Variants in ANKH observed in about 807,000 individuals in gnomAD.
ANKH encodes ANKH inorganic pyrophosphate transport regulator.
Under a neutral mutation model 49.0 loss-of-function variants are expected in ANKH, and 15 were observed. The observed-to-expected ratio is 0.31, with a 90% confidence interval of 0.20 to 0.47. ANKH has a LOEUF of 0.47. ANKH is among the 20% of genes least tolerant of loss of function. The pLI is 1.00. For synonymous variants in ANKH, 273 were observed against 260.0 expected (o/e 1.05, Z -0.48); for missense variants, 429 against 652.0 (o/e 0.66, Z 3.72).
chr5:14,711,578 C>A (rs939916635), intron 11 of ANKH, among the ~76,000 whole-genome samples: 1 of 152,192 alleles, frequency 6.6e-6, no homozygotes, highest in South Asian at 2.1e-4. Context: ...CCAGACAACC[C>A]GCTCCCTGCT....
chr5:14,783,325 CACACACCA>C (rs998431185), intron 1 of ANKH, among the ~76,000 whole-genome samples: 4 of 137,968 alleles, frequency 2.9e-5, no homozygotes, highest in South Asian at 2.4e-4. Context: ...CACACACACA[CACACACCA>C]CACATGGAGA....
At chr5:14,771,562 C>T (rs1349449383) in intron 1 of ANKH, among the ~76,000 whole-genome samples, 3 of 152,122 alleles carry the variant, frequency 2.0e-5, no homozygotes, top group Admixed American at 2.0e-4. Context: ...ATGGTGCCAT[C>T]CCTATTGAAG....
intron 1 of ANKH, among the ~76,000 whole-genome samples, chr5:14,772,843 A>C (rs189619571): frequency 1.3e-5 from 2 of 152,316 alleles, no homozygotes; most frequent in Admixed American, 6.5e-5. Context: ...CTTGCCAGGG[A>C]GACCTACTCC....
intron 1 of ANKH, among the ~76,000 whole-genome samples, chr5:14,792,256 G>A (rs1740192699): frequency 6.6e-6 from 1 of 152,188 alleles, no homozygotes; most frequent in East Asian, 1.9e-4. Context: ...ATATGACTGT[G>A]ATAGGAAAGG....
intron 11 of ANKH, among the ~76,000 whole-genome samples, chr5:14,711,539 C>T (rs752177822): frequency 2.4e-4 from 36 of 152,192 alleles, no homozygotes; most frequent in Non-Finnish European, 1.5e-4. Context: ...GCAGGCACTT[C>T]GGAGGACACC....
rs761130315 is a variant in ANKH, at chr5:14,743,007, C to T, written c.916-1085G>A. Among the ~76,000 whole-genome samples the T allele has an allele frequency of 1.3e-4, 20 of 152,354 alleles. No individual in the cohort carries two copies. In the South Asian group the frequency reaches 2.5e-3, roughly 19 times the overall value. ...GAACACCTGGCTCCGCATCCAGCCG[C>T]GTGAAACACACACCCACAGCTACTA... is the stretch of plus-strand genomic sequence containing the variant. On this transcript the variant is annotated intron_variant, in intron 7 of 11. Transcript: ENST00000284268.
In ANKH at chr5:14,816,119, G is replaced by A. The variant is rs572426968; in HGVS notation, c.97-46928C>T. On this transcript the variant is annotated intron_variant, in intron 1 of 11. Transcript: ENST00000284268. The stretch of plus-strand genomic sequence containing the variant: ...AACATCCCAGTTGCCATTCTAATGG[G>A]GAGAGGACATTATGCTAAATTCCTT... Among the ~76,000 whole-genome samples, 8 of 152,340 alleles carry A rather than the reference G, an allele frequency of 5.3e-5. No individual in the cohort carries two copies. The East Asian group carries it at 1.5e-3, about 29-fold the overall frequency.
intron 8 of ANKH, among the ~76,000 whole-genome samples, chr5:14,726,472 TC>T (rs1188080627): frequency 6.6e-6 from 1 of 151,996 alleles, no homozygotes; most frequent in African/African-American, 2.4e-5. Context: ...ACTGTGACCA[TC>T]CAGGTGAGAG....
In ANKH at chr5:14,737,160, T is replaced by C. The variant is rs533104275; in HGVS notation, c.1011+4667A>G. Reference sequence around the variant, plus strand: ...AAATTTGGTAAACTTAGCAGCCCGATGGGCTGGCTTTCACCACTTGGCCTG... The same window carrying C: ...AAATTTGGTAAACTTAGCAGCCCGACGGGCTGGCTTTCACCACTTGGCCTG... On this transcript the variant is annotated intron_variant, in intron 8 of 11. Transcript: ENST00000284268. The surrounding 1 kb of genome is among the most constrained non-coding windows in gnomAD (Gnocchi z 5.0). 6.6e-6 allele frequency among the ~76,000 whole-genome samples: 1 copy of C among 152,214 alleles called. No individual in the cohort carries two copies. Among genetic ancestry groups the C allele is most frequent in the Non-Finnish European group, 1.5e-5 (1 of 68,026 alleles).
intron 8 of ANKH, among the ~76,000 whole-genome samples, chr5:14,728,525 T>G (rs1737891584): frequency 6.6e-6 from 1 of 152,184 alleles, no homozygotes; most frequent in Non-Finnish European, 1.5e-5. Context: ...AGTCTCCACC[T>G]CACGGCGTGG....
chr5:14,722,064 C>G (rs1483488596), intron 8 of ANKH, among the ~76,000 whole-genome samples: 1 of 150,814 alleles, frequency 6.6e-6, no homozygotes, highest in East Asian at 2.0e-4. Context: ...CTACATTTAA[C>G]AAGTCCATTT....
chr5:14,871,458 G>GT lies in ANKH; in HGVS notation c.-12dup, dbSNP rs1249253250. Reference sequence around the variant, plus strand: ...CGGGAATTTCACCATAGTCCCCGCCGTGGGCTGACCCCACACACATCTGCT... The same window carrying GT: ...CGGGAATTTCACCATAGTCCCCGCCGTTGGGCTGACCCCACACACATCTGCT... On this transcript the variant is annotated 5_prime_UTR_variant, in exon 1 of 12. Coordinates refer to ENST00000284268, the MANE Select transcript of ANKH (RefSeq NM_054027.6). The GT allele has an allele frequency of 6.2e-7, 1 of 1,608,426 alleles. No individual in the cohort carries two copies. Among genetic ancestry groups the GT allele is most frequent in the African/African-American group, 1.3e-5 (1 of 74,790 alleles).
intron 1 of ANKH, chr5:14,797,867 C>T (rs1740439423): frequency 1.2e-6 from 2 of 1,611,916 alleles, no homozygotes; most frequent in East Asian, 2.2e-5. Context: ...CATAGCCTTC[C>T]TTCTGATGTC....
At chr5:14,793,047 T>TATAAAA (rs1209292505) in intron 1 of ANKH, among the ~76,000 whole-genome samples, 96 of 64,734 alleles carry the variant, frequency 1.5e-3, no homozygotes, top group Non-Finnish European at 1.9e-3. Context: ...AATATATATA[T>TATAAAA]AAATATATAT....
chr5:14,839,154 G>A (rs2126607519), intron 1 of ANKH, among the ~76,000 whole-genome samples: 1 of 152,140 alleles, frequency 6.6e-6, no homozygotes, highest in African/African-American at 2.4e-5. Flanking sequence ...GGACATACGA[G>A]GTAGTGATGT....
intron 8 of ANKH, among the ~76,000 whole-genome samples, chr5:14,728,957 C>T (rs1737907894): frequency 6.6e-6 from 1 of 152,230 alleles, no homozygotes; most frequent in African/African-American, 2.4e-5. Flanking sequence ...AAGGCCCTCT[C>T]CACTACACAT....
chr5:14,713,604 G>T lies in ANKH; in HGVS notation c.1205C>A (p.Pro402His). The T allele has an allele frequency of 6.2e-7, 1 of 1,614,196 alleles. No homozygotes were observed. The highest frequency in any genetic ancestry group is 8.5e-7 in the Non-Finnish European group (1 of 1,180,034). ...MTLKKTFVLA[P>H]SSVLRIIVLI... ...GACGATGATCCGCAGCACAGAGCTG[G>T]GGGCAAGGACGAAGGTTTTCTTCAG... is the stretch of plus-strand genomic sequence containing the variant. Residue 402 changes from proline (P) to histidine (H), a missense_variant, in exon 10 of 12, where the codon CCC becomes CAC. By Grantham distance (77) the Pro-to-His change is moderately conservative. Around this residue, in one of 2 missense-constraint regions of ANKH, gnomAD observed 378 missense variants for 615.3 expected, o/e 0.61. Transcript: ENST00000284268. The surrounding 1 kb of genome is among the most constrained non-coding windows in gnomAD (Gnocchi z 4.4).
chr5:14,741,085 C>T (rs372463440), intron 8 of ANKH, among the ~76,000 whole-genome samples: 27 of 152,270 alleles, frequency 1.8e-4, no homozygotes, highest in African/African-American at 4.6e-4. Context: ...TGTTTATAAA[C>T]GGTAAGTTTT....
At chr5:14,752,939 G>A (rs1738767002) in intron 4 of ANKH, among the ~76,000 whole-genome samples, 1 of 152,212 alleles carries the variant, frequency 6.6e-6, no homozygotes, top group Non-Finnish European at 1.5e-5. Flanking sequence ...TGTAGCTAAA[G>A]AGTTAGGTGA....
Sources: gnomAD v4.1 joint callset for allele counts (sites outside exome capture counted in the v4.1 genomes callset) on GRCh38, gnomAD v4.1.1 for gene constraint, gnomAD v4.1.1 regional missense constraint, Gnocchi (gnomAD v3.1) non-coding constraint, MANE v1.5 for transcripts, NCBI Gene and HGNC (gene_info 2026-07-23, HGNC 2026-07-21) for gene names.